The following ITIH5 variants were observed in gnomAD, a reference collection of about 807,000 sequenced individuals.
The protein encoded by ITIH5 is inter-alpha-trypsin inhibitor heavy chain H5.
Under a neutral mutation model 77.5 loss-of-function variants are expected in ITIH5, and 65 were observed. The observed-to-expected ratio is 0.84, with a 90% CI of 0.69 to 1.03. ITIH5 has a LOEUF of 1.03. Among genes scored for constraint, ITIH5 ranks in the 50% least tolerant of loss-of-function variants. ITIH5 has a pLI of 0.00. For missense variants in ITIH5, 1,208 were observed against 1,213.1 expected, an observed-to-expected ratio of 1.00 and a Z score of 0.06; for synonymous variants, 525 against 494.3, an observed-to-expected ratio of 1.06 and a Z score of -0.82.
At chr10:7,573,994 G>A (rs1832357774) in intron 10 of ITIH5, among the ~76,000 whole-genome samples, 1 of 152,092 alleles carries the variant, frequency 6.6e-6, no homozygotes, top group Non-Finnish European at 1.5e-5. Context: ...AATGGGTAAG[G>A]TGGTAAATTT....
chr10:7,586,109 C>A, intron 7 of ITIH5, 40 bp from the exon 8 acceptor site: 1 of 1,562,300 alleles, frequency 6.4e-7, no homozygotes, highest in Non-Finnish European at 8.7e-7. Context: ...CAGCTGCTCA[C>A]ATAAGTCCAC....
intron 8 of ITIH5, among the ~76,000 whole-genome samples, chr10:7,584,045 A>G (rs992263122): frequency 2.6e-5 from 4 of 152,210 alleles, no homozygotes; most frequent in Non-Finnish European, 5.9e-5. Flanking sequence ...TAACGATTCC[A>G]TTGTTATCTT....
intron 8 of ITIH5, among the ~76,000 whole-genome samples, chr10:7,580,746 T>C (rs774352600): frequency 6.6e-6 from 1 of 151,908 alleles, no homozygotes; most frequent in Non-Finnish European, 1.5e-5. Context: ...AGGAGGAGGG[T>C]AGCTGCTGAC....
chr10:7,655,135 T>C (rs1474208651), intron 2 of ITIH5, among the ~76,000 whole-genome samples: 1 of 152,142 alleles, frequency 6.6e-6, no homozygotes, highest in East Asian at 1.9e-4. Flanking sequence ...TTTCACTCCA[T>C]GCACAGTGGT....
intron 5 of ITIH5, among the ~76,000 whole-genome samples, chr10:7,634,500 G>A (rs781722029): frequency 6.6e-6 from 1 of 152,160 alleles, no homozygotes; most frequent in African/African-American, 2.4e-5. Context: ...GGTACAAGGA[G>A]CTAAGAAAAC....
At chr10:7,634,857 T>C (rs1221576965) in intron 5 of ITIH5, among the ~76,000 whole-genome samples, 1 of 152,232 alleles carries the variant, frequency 6.6e-6, no homozygotes, top group Non-Finnish European at 1.5e-5. Context: ...AGAAAATACT[T>C]CTTTCCCACA....
intron 6 of ITIH5, 54 bp from the exon 7 acceptor site, chr10:7,616,152 A>T: frequency 1.0e-6 from 1 of 994,852 alleles, no homozygotes; most frequent in Admixed American, 1.7e-5. Flanking sequence ...GGGAGCAAAA[A>T]TACCTGAAGT....
chr10:7,644,684 C>T (rs1438611585), intron 2 of ITIH5, among the ~76,000 whole-genome samples: 2 of 111,116 alleles, frequency 1.8e-5, no homozygotes, highest in Non-Finnish European at 3.9e-5. Flanking sequence ...ACATATATAT[C>T]ATATATATCA....
intron 7 of ITIH5, among the ~76,000 whole-genome samples, chr10:7,587,498 TC>T (rs1832703465): frequency 6.6e-6 from 1 of 152,196 alleles, no homozygotes; most frequent in Non-Finnish European, 1.5e-5. Flanking sequence ...GCTGGGTTCA[TC>T]CCCGACTCTC....
Position 7,591,175 on chromosome 10 carries a change from G to A in ITIH5, c.940-5106C>T, listed in dbSNP as rs570880781. Among the ~76,000 whole-genome samples, 31 of 152,330 alleles carry A rather than the reference G, an allele frequency of 2.0e-4. No homozygotes were observed. The South Asian group carries it at 6.0e-3, about 30-fold the overall frequency. On this transcript the variant is annotated intron_variant, in intron 7 of 13. Transcript: ENST00000397146. ...CTCCCAAAGTGCTGGGATTACAGGCGTGAGCCACTGTGCCTGGCCTAATGT... is the reference window on the plus strand; with the variant it reads ...CTCCCAAAGTGCTGGGATTACAGGCATGAGCCACTGTGCCTGGCCTAATGT...
At chr10:7,617,001 T>C (rs1290561954) in intron 6 of ITIH5, 112 bp downstream of exon 6, 2 of 672,144 alleles carry the variant, frequency 3.0e-6, no homozygotes, top group African/African-American at 1.9e-5. Context: ...TAAAACAAAT[T>C]TACTAAGAAG....
chr10:7,648,524 A>G (rs1834042166), intron 2 of ITIH5, among the ~76,000 whole-genome samples: 1 of 152,242 alleles, frequency 6.6e-6, no homozygotes, highest in Non-Finnish European at 1.5e-5. Context: ...TCTTTTACAT[A>G]AAAGTAGAAT....
chr10:7,630,349 C>T (rs1175048800), intron 5 of ITIH5, among the ~76,000 whole-genome samples: 1 of 152,200 alleles, frequency 6.6e-6, no homozygotes, highest in African/African-American at 2.4e-5. Flanking sequence ...GTAAATTTTG[C>T]CAGATCTTGG....
chr10:7,629,126 T>C (rs1202652709), intron 5 of ITIH5, among the ~76,000 whole-genome samples: 1 of 140,336 alleles, frequency 7.1e-6, no homozygotes, highest in African/African-American at 2.5e-5. Flanking sequence ...AGTGTGTCCG[T>C]GTTGTAGCAT....
intron 2 of ITIH5, among the ~76,000 whole-genome samples, chr10:7,646,273 G>T (rs921870041): frequency 6.6e-6 from 1 of 152,006 alleles, no homozygotes; most frequent in Non-Finnish European, 1.5e-5. Context: ...AATTTAAACT[G>T]GTGTTTTAAA....
At chr10:7,589,618 C>T (rs1051165232) in intron 7 of ITIH5, among the ~76,000 whole-genome samples, 5 of 151,954 alleles carry the variant, frequency 3.3e-5, no homozygotes, top group East Asian at 1.9e-4. Context: ...TCCCAGGGCT[C>T]GGAGACCTCC....
chr10:7,632,009 G>A (rs1436636325), intron 5 of ITIH5, among the ~76,000 whole-genome samples: 1 of 151,072 alleles, frequency 6.6e-6, no homozygotes, highest in African/African-American at 2.4e-5. Flanking sequence ...ATGTTGGCCA[G>A]GCTGGTCTTG....
chr10:7,644,917 TATATATCAC>T (rs1833984553), intron 2 of ITIH5, among the ~76,000 whole-genome samples: 1 of 74,526 alleles, frequency 1.3e-5, no homozygotes, highest in African/African-American at 6.3e-5. Context: ...ATATCACATA[TATATATCAC>T]ATATATATAT....
In ITIH5 at chr10:7,576,609, G is replaced by A; in HGVS notation, c.1822C>T (p.Leu608=). 1 of 1,614,096 alleles carries A rather than the reference G, an allele frequency of 6.2e-7. No homozygotes were observed. The highest frequency in any genetic ancestry group is 8.5e-7 in the Non-Finnish European group (1 of 1,180,040). ...KERLRQRAQA[L]AVSYRFLTPF... is the part of the protein sequence containing the mutation. ...GTGAGGAAGCGGTAGCTCACAGCCA[G>A]GGCCTGGGCCCGCTGCCGCAGCCGC... Residue 608 remains leucine, a synonymous_variant, in exon 10 of 14, where the codon CTG becomes TTG. Transcript: ENST00000397146.
Sources: gnomAD v4.1 joint callset for allele counts (sites outside exome capture counted in the v4.1 genomes callset) on GRCh38, gnomAD v4.1.1 for gene constraint, MANE v1.5 for transcripts, NCBI Gene and HGNC (gene_info 2026-07-23, HGNC 2026-07-21) for gene names.